The following AK8 variants were observed in gnomAD, a reference collection of about 807,000 sequenced individuals.
The protein encoded by AK8 is ATP-AMP transphosphorylase 8.
AK8 carries 44 observed loss-of-function variants against 54.6 expected under a neutral mutation model. That is an observed-to-expected ratio of 0.81 (90% CI 0.63 to 1.04). AK8 has a LOEUF of 1.04. Ranked by LOEUF, AK8 falls within the 50% of genes least tolerant of loss-of-function variation. AK8 has a pLI of 0.00. For missense variants in AK8, 555 were observed against 613.6 expected (o/e 0.90, Z 1.01); for synonymous variants, 239 against 245.6 (o/e 0.97, Z 0.25).
intron 5 of AK8, among the ~76,000 whole-genome samples, chr9:132,832,257 G>A (rs755194879): frequency 3.3e-4 from 50 of 151,450 alleles, no homozygotes; most frequent in Non-Finnish European, 4.6e-4. Flanking sequence ...TCACAGCCAC[G>A]GAACCCCTGG....
intron 2 of AK8, among the ~76,000 whole-genome samples, chr9:132,874,864 A>G (rs1278901535): frequency 6.6e-6 from 1 of 152,168 alleles, no homozygotes; most frequent in Non-Finnish European, 1.5e-5. Context: ...TTGGCAAGAG[A>G]ATTTTTATAA....
At chr9:132,739,398 T>C (rs538512485) in intron 11 of AK8, among the ~76,000 whole-genome samples, 12 of 117,678 alleles carry the variant, frequency 1.0e-4, no homozygotes, top group Admixed American at 1.3e-4. Context: ...GCTGAGATCA[T>C]GTCACTGCAT....
intron 9 of AK8, among the ~76,000 whole-genome samples, chr9:132,820,267 T>A (rs1056857849): frequency 6.6e-6 from 1 of 150,864 alleles, no homozygotes; most frequent in Non-Finnish European, 1.5e-5. Context: ...AGATAAGCAG[T>A]TTGGTGTATG....
At position 132,823,215 on chromosome 9, in the gene AK8, C is replaced by G; in HGVS notation, c.879G>C (p.Arg293Ser). The G allele has an allele frequency of 6.3e-7, 1 of 1,583,554 alleles. No individual in the cohort carries two copies. The highest frequency in any genetic ancestry group is 8.6e-7 in the Non-Finnish European group (1 of 1,166,412). Residue 293 changes from arginine (R) to serine (S), a missense_variant, in exon 9 of 13, where the codon AGG becomes AGC. Coordinates refer to ENST00000298545, the MANE Select transcript of AK8 (RefSeq NM_152572.3). ...LQAALLAQKYRLVNVCCGQLL... is the reference protein window; with the variant it reads ...LQAALLAQKYSLVNVCCGQLL... ...ACCTGGGGCACTCACCATTGACAAG[C>G]CTGTATTTCTGGGCCAGGAGGGCGG... is the stretch of plus-strand genomic sequence containing the variant.
chr9:132,785,174 G>A lies in AK8; in HGVS notation c.1121+7460C>T, dbSNP rs1381770577. ...GGCTGGAATGCAGTGGCGTGCTCTCGGCTCACTGCAACCTCTGCCTCCCGG... is the reference window on the plus strand; with the variant it reads ...GGCTGGAATGCAGTGGCGTGCTCTCAGCTCACTGCAACCTCTGCCTCCCGG... On this transcript the variant is annotated intron_variant, in intron 11 of 12. Coordinates refer to ENST00000298545, the MANE Select transcript of AK8 (RefSeq NM_152572.3). Among the ~76,000 whole-genome samples, 8 of 150,578 alleles carry A rather than the reference G, an allele frequency of 5.3e-5. No homozygotes were observed. In the East Asian group the frequency reaches 1.2e-3, roughly 22 times the overall value.
At chr9:132,800,792 TTC>T (rs1840409695) in intron 10 of AK8, among the ~76,000 whole-genome samples, 1 of 152,312 alleles carries the variant, frequency 6.6e-6, no homozygotes, top group East Asian at 1.9e-4. Context: ...GCCACCCACT[TTC>T]TGTCACTCTC....
chr9:132,727,261 G>C (rs1410108299), intron 12 of AK8, among the ~76,000 whole-genome samples, 193 bp downstream of exon 12: 2 of 152,126 alleles, frequency 1.3e-5, no homozygotes, highest in African/African-American at 4.8e-5. Flanking sequence ...AAATTTCCTG[G>C]TTATTCTTCC....
intron 5 of AK8, among the ~76,000 whole-genome samples, chr9:132,847,472 G>A (rs1399315444): frequency 5.3e-5 from 8 of 152,142 alleles, no homozygotes; most frequent in South Asian, 2.1e-4. Context: ...TGACAGTCCT[G>A]GTTCCAGGAA....
chr9:132,778,141 G>A (rs1376642966), intron 11 of AK8, among the ~76,000 whole-genome samples: 1 of 152,176 alleles, frequency 6.6e-6, no homozygotes, highest in Non-Finnish European at 1.5e-5. Flanking sequence ...TTAAGAAAGA[G>A]CTTTCTTCCA....
chr9:132,767,541 A>T (rs569398822), intron 11 of AK8, among the ~76,000 whole-genome samples: 2 of 152,364 alleles, frequency 1.3e-5, no homozygotes, highest in South Asian at 4.1e-4. Context: ...TTCGGAAAAC[A>T]GTATGGAGGT....
chr9:132,746,750 G>A lies in AK8; in HGVS notation c.1122-19216C>T, dbSNP rs117310165. 7.5e-3 allele frequency among the ~76,000 whole-genome samples: 1,135 copies of A among 152,246 alleles called. 8 individuals carry two copies. The highest frequency in any genetic ancestry group is 0.012 in the Non-Finnish European group (795 of 68,018). ...TACGGAGGCAGCAAAATAGATCCAGGTGGAAAAGTTGCAGGAACCCCCGGG... is the reference window on the plus strand; with the variant it reads ...TACGGAGGCAGCAAAATAGATCCAGATGGAAAAGTTGCAGGAACCCCCGGG... On this transcript the variant is annotated intron_variant, in intron 11 of 12. Coordinates refer to ENST00000298545, the MANE Select transcript of AK8 (RefSeq NM_152572.3).
chr9:132,875,776 G>A (rs892969462), intron 1 of AK8, among the ~76,000 whole-genome samples: 17 of 152,208 alleles, frequency 1.1e-4, no homozygotes, highest in African/African-American at 3.6e-4. Flanking sequence ...GGGCCTCCTT[G>A]TCTGCCTAGA....
rs919963715 is a variant in AK8 at position 132,803,151 on chromosome 9, G to A, written c.980-10376C>T. Among the ~76,000 whole-genome samples the A allele has an allele frequency of 1.3e-5, 2 of 152,092 alleles. No homozygotes were observed. Among genetic ancestry groups the A allele is most frequent in the Admixed American group, 1.3e-4 (2 of 15,258 alleles). ...AGATCTTGTGAGAACTCACTATCAC[G>A]AGAACAGCATGGAGGTAACCACCCC... On this transcript the variant is annotated intron_variant, in intron 10 of 12. Coordinates refer to ENST00000298545, the MANE Select transcript of AK8 (RefSeq NM_152572.3). The surrounding 1 kb of genome is among the most constrained non-coding windows in gnomAD (Gnocchi z 4.4).
intron 11 of AK8, among the ~76,000 whole-genome samples, chr9:132,751,426 G>T (rs1590194998): frequency 6.8e-6 from 1 of 147,090 alleles, no homozygotes; most frequent in South Asian, 2.2e-4. Flanking sequence ...GGTTTTGCTA[G>T]TTGTCTGCGA....
intron 4 of AK8, 110 bp from the exon 5 acceptor site, chr9:132,855,035 C>T (rs1025963085): frequency 2.7e-6 from 3 of 1,118,598 alleles, no homozygotes; most frequent in South Asian, 1.3e-5. Context: ...AAAGCACCGA[C>T]CACCATCGGG....
chr9:132,837,275 C>T lies in AK8; in HGVS notation c.403-8549G>A, dbSNP rs538769530. On this transcript the variant is annotated intron_variant, in intron 5 of 12. Transcript: ENST00000298545. The surrounding 1 kb of genome is among the most constrained non-coding windows in gnomAD (Gnocchi z 4.3). ...CAGAGGTTGCAGTGAGCTGAGATTGCGCCACTGCACTCCAGCCTGGGTGAC... is the reference window on the plus strand; with the variant it reads ...CAGAGGTTGCAGTGAGCTGAGATTGTGCCACTGCACTCCAGCCTGGGTGAC... Among the ~76,000 whole-genome samples the T allele has an allele frequency of 1.5e-4, 22 of 148,892 alleles. No homozygotes were observed. The highest frequency in any genetic ancestry group is 3.3e-4 in the Non-Finnish European group (22 of 67,494).
At chr9:132,763,570 CA>C (rs1838585726) in intron 11 of AK8, among the ~76,000 whole-genome samples, 1 of 152,190 alleles carries the variant, frequency 6.6e-6, no homozygotes, top group Non-Finnish European at 1.5e-5. Flanking sequence ...AAGTTTTGGC[CA>C]ACTAAGGCAG....
chr9:132,877,661 G>A (rs112363054), intron 1 of AK8: 97 of 358,530 alleles, frequency 2.7e-4, no homozygotes, highest in African/African-American at 1.9e-3. Flanking sequence ...GCCCTGAGGA[G>A]GAGGGACCAA....
chr9:132,858,090 G>A (rs1054755399), intron 4 of AK8, among the ~76,000 whole-genome samples: 1 of 152,222 alleles, frequency 6.6e-6, no homozygotes, highest in African/African-American at 2.4e-5. Context: ...CCCCGACTCA[G>A]GCCCCTGGCC....
Sources: gnomAD v4.1 joint callset for allele counts (sites outside exome capture counted in the v4.1 genomes callset) on GRCh38, gnomAD v4.1.1 for gene constraint, Gnocchi (gnomAD v3.1) non-coding constraint, MANE v1.5 for transcripts, NCBI Gene and HGNC (gene_info 2026-07-23, HGNC 2026-07-21) for gene names.